The following SLC3A1 variants were observed in gnomAD, a reference collection of about 807,000 sequenced individuals.
SLC3A1 encodes solute carrier family 3 member 1, also known as amino acid transporter heavy chain SLC3A1.
A neutral mutation model predicts 60.3 loss-of-function variants in SLC3A1; 78 were observed. That is an observed-to-expected ratio of 1.29 (90% confidence interval 1.08 to 1.56). The LOEUF (loss-of-function observed/expected upper bound fraction) is 1.56, where lower values mean the gene tolerates loss of function less well. Ranked by LOEUF, SLC3A1 falls within the 40% of genes most tolerant of loss-of-function variation. SLC3A1 has a pLI of 0.00. For synonymous variants in SLC3A1, 392 were observed against 307.9 expected, an observed-to-expected ratio of 1.27 and a Z score of -2.86; for missense variants, 1,172 against 858.9, an observed-to-expected ratio of 1.36 and a Z score of -4.56.
intron 4 of SLC3A1, among the ~76,000 whole-genome samples, chr2:44,295,099 C>T (rs1671820957): frequency 6.6e-6 from 1 of 152,152 alleles, no homozygotes; most frequent in African/African-American, 2.4e-5. Context: ...TTTTCCCAAA[C>T]ATGGGTTTTT....
At position 44,321,204 on chromosome 2, in the gene SLC3A1, G is replaced by A. The variant is rs995718795; in HGVS notation, c.*565G>A. On this transcript the variant is annotated 3_prime_UTR_variant, in exon 10 of 10. Coordinates refer to ENST00000260649, the MANE Select transcript of SLC3A1 (RefSeq NM_000341.4). The stretch of plus-strand genomic sequence containing the variant: ...AGAGAATAGTATAAGCAAGTGAGAT[G>A]TAGACTAAGCAAAATTTAGATGGAG... 1.5e-6 allele frequency: 1 copy of A among 680,770 alleles called. No homozygotes were observed. The highest frequency in any genetic ancestry group is 2.5e-6 in the Non-Finnish European group (1 of 400,160). The allele number at this position is 680,770 out of a possible 1,614,324, so 42.2% of individuals were successfully genotyped here.
At chr2:44,303,262 T>A (rs1171312808) in intron 6 of SLC3A1, among the ~76,000 whole-genome samples, 3 of 149,962 alleles carry the variant, frequency 2.0e-5, no homozygotes, top group East Asian at 2.0e-4. Context: ...TTTTTTTTTT[T>A]AAAGACATTC....
chr2:44,282,552 T>C (rs1252591193), intron 3 of SLC3A1, among the ~76,000 whole-genome samples: 4 of 152,150 alleles, frequency 2.6e-5, no homozygotes, highest in Non-Finnish European at 1.5e-5. Context: ...ATTTAGCAAA[T>C]AAAAATTCAG....
At chr2:44,317,113 A>C (rs2104391821) in intron 9 of SLC3A1, among the ~76,000 whole-genome samples, 1 of 152,238 alleles carries the variant, frequency 6.6e-6, no homozygotes, top group South Asian at 2.1e-4. Context: ...GTAACTCTAG[A>C]TTTGAGCTGT....
Position 44,312,606 on chromosome 2 carries a change from A to T in SLC3A1, c.1353A>T (p.Ser451=). The T allele has an allele frequency of 6.2e-7, 1 of 1,613,960 alleles. No individual in the cohort carries two copies. The highest frequency in any genetic ancestry group is 8.5e-7 in the Non-Finnish European group (1 of 1,179,848). Residue 451 remains serine (S), a synonymous_variant, in exon 8 of 10, where the codon TCA becomes TCT. Transcript: ENST00000260649. ...TTCAGATTGGTGGACCAGACAGTTC[A>T]CGGCTGACTTCGCGTTTGGGGAATC... is the stretch of plus-strand genomic sequence containing the variant. ...PNWMIGGPDS[S]RLTSRLGNQY...
intron 6 of SLC3A1, 152 bp from the exon 7 acceptor site, chr2:44,303,991 C>G: frequency 1.4e-6 from 1 of 719,588 alleles, no homozygotes; most frequent in East Asian, 2.6e-5. Context: ...TTGGTGACAG[C>G]TTGATTATGC....
At chr2:44,284,007 C>G (rs949485222) in intron 3 of SLC3A1, among the ~76,000 whole-genome samples, 3 of 152,038 alleles carry the variant, frequency 2.0e-5, no homozygotes, top group Non-Finnish European at 4.4e-5. Flanking sequence ...AGTTGGGCTA[C>G]TTCCGTTTTT....
In SLC3A1 at chr2:44,275,598, C is replaced by T. The variant is rs1313555896; in HGVS notation, c.63C>T (p.Asn21=). ...TGAGTATGAAGGGATGCCAGACAAA[C>T]AACGGGTTTGTCCATAATGAAGACA... ...IEMSMKGCQT[N]NGFVHNEDIL... The change falls in exon 1 of 10, where the codon AAC becomes AAT. Residue 21 remains asparagine (N), a synonymous_variant. Transcript: ENST00000260649. 6.2e-7 allele frequency: 1 copy of T among 1,614,166 alleles called. No individual in the cohort carries two copies. The highest frequency in any genetic ancestry group is 8.5e-7 in the Non-Finnish European group (1 of 1,180,006).
intron 6 of SLC3A1, among the ~76,000 whole-genome samples, chr2:44,302,622 A>T (rs1273474412): frequency 6.6e-6 from 1 of 152,254 alleles, no homozygotes; most frequent in African/African-American, 2.4e-5. Flanking sequence ...GCCAGCATTG[A>T]TCGGAGTCAT....
rs1467152267 is a variant in SLC3A1, at chr2:44,312,572, T to C, written c.1333-14T>C. On this transcript the variant is annotated splice_polypyrimidine_tract_variant and intron_variant, in intron 7 of 9. Transcript: ENST00000260649. The stretch of plus-strand genomic sequence containing the variant: ...GTGTATACAGCTGTGTTCTTAAAAA[T>C]ATCTGCCTTTCAGATTGGTGGACCA... 1.9e-6 allele frequency: 3 copies of C among 1,613,628 alleles called. No homozygotes were observed. The highest frequency in any genetic ancestry group is 2.5e-6 in the Non-Finnish European group (3 of 1,179,568).
chr2:44,318,744 A>C (rs1221842598), intron 9 of SLC3A1: 1 of 152,202 alleles, frequency 6.6e-6, no homozygotes, highest in Non-Finnish European at 1.5e-5. Flanking sequence ...TAATTGAATA[A>C]AAAATAAAAT....
chr2:44,312,593 G>A lies in SLC3A1; in HGVS notation c.1340G>A (p.Gly447Glu), dbSNP rs1672325291. 1 of 1,613,706 alleles carries A rather than the reference G, an allele frequency of 6.2e-7. No homozygotes were observed. Among genetic ancestry groups the A allele is most frequent in the African/African-American group, 1.3e-5 (1 of 74,884 alleles). The change falls in exon 8 of 10, where the codon GGA becomes GAA. Residue 447 changes from glycine (G) to glutamate (E), a missense_variant. Gly to Glu is a moderately conservative substitution (Grantham distance 98). Coordinates refer to ENST00000260649, the MANE Select transcript of SLC3A1 (RefSeq NM_000341.4). Reference protein sequence around the residue: ...EGKWPNWMIGGPDSSRLTSRL... With the variant: ...EGKWPNWMIGEPDSSRLTSRL... The stretch of plus-strand genomic sequence containing the variant: ...AAAATATCTGCCTTTCAGATTGGTG[G>A]ACCAGACAGTTCACGGCTGACTTCG...
At chr2:44,322,266 T>C (rs1421836295), downstream of SLC3A1, among the ~76,000 whole-genome samples, 1 of 152,080 alleles carries the variant, frequency 6.6e-6, no homozygotes, top group Non-Finnish European at 1.5e-5. Flanking sequence ...TGATATGGCA[T>C]GTAGTTTCAA....
At chr2:44,306,528 A>G in intron 7 of SLC3A1, among the ~76,000 whole-genome samples, 2 of 150,470 alleles carry the variant, frequency 1.3e-5, no homozygotes, top group Non-Finnish European at 3.0e-5. Flanking sequence ...CTTTGTCGAG[A>G]TATAATTCAC....
intron 4 of SLC3A1, among the ~76,000 whole-genome samples, chr2:44,298,384 CT>C (rs113068506): frequency 2.6e-5 from 4 of 151,362 alleles, no homozygotes; most frequent in Non-Finnish European, 5.9e-5. Context: ...CTGCCACTGC[CT>C]TTTTTTTTCT....
intron 4 of SLC3A1, among the ~76,000 whole-genome samples, chr2:44,298,757 C>T (rs1308444334): frequency 3.3e-5 from 5 of 152,144 alleles, no homozygotes; most frequent in South Asian, 2.1e-4. Context: ...AGGCAGCCCA[C>T]GATGATGCTC....
At chr2:44,311,439 T>C (rs1164029955) in intron 7 of SLC3A1, among the ~76,000 whole-genome samples, 3 of 152,172 alleles carry the variant, frequency 2.0e-5, no homozygotes, top group African/African-American at 7.2e-5. Context: ...CCTGTTTTCT[T>C]TGACTGTTTT....
chr2:44,291,589 C>G (rs754298017), intron 4 of SLC3A1, among the ~76,000 whole-genome samples: 2 of 152,154 alleles, frequency 1.3e-5, no homozygotes, highest in African/African-American at 4.8e-5. Flanking sequence ...AGGAAAGCCT[C>G]TTTGCTCCTG....
At chr2:44,299,173 G>A (rs1248709586) in intron 4 of SLC3A1, among the ~76,000 whole-genome samples, 1 of 151,840 alleles carries the variant, frequency 6.6e-6, no homozygotes, top group African/African-American at 2.4e-5. Flanking sequence ...CGAGTAGCTG[G>A]GATTATGGGC....
Sources: gnomAD v4.1 joint callset for allele counts (sites outside exome capture counted in the v4.1 genomes callset) on GRCh38, gnomAD v4.1.1 for gene constraint, MANE v1.5 for transcripts, NCBI Gene and HGNC (gene_info 2026-07-23, HGNC 2026-07-21) for gene names.